Variants in MED13L observed in about 807,000 individuals in gnomAD.
MED13L encodes mediator of RNA polymerase II transcription subunit 13-like.
In MED13L, 7 loss-of-function variants were observed where a neutral mutation model predicts 220.9. The ratio of observed to expected loss-of-function variants is 0.03; its 90% CI spans 0.02 to 0.06. MED13L has a LOEUF of 0.06. MED13L is among the 10% of genes least tolerant of loss of function. The pLI is 1.00. For missense variants in MED13L, 1,965 were observed against 2,760.5 expected, an observed-to-expected ratio of 0.71 and a Z score of 6.46; for synonymous variants, 1,011 against 1,015.2, an observed-to-expected ratio of 1.00 and a Z score of 0.08.
intron 2 of MED13L, among the ~76,000 whole-genome samples, chr12:116,119,838 A>C (rs56394739): frequency 3.2e-5 from 1 of 31,598 alleles, no homozygotes. Context: ...AAAAAAAAAA[A>C]ATATATATAT....
At chr12:116,247,843 G>A (rs1871217974) in intron 1 of MED13L, among the ~76,000 whole-genome samples, 1 of 152,110 alleles carries the variant, frequency 6.6e-6, no homozygotes, top group Admixed American at 6.6e-5. Flanking sequence ...AGGGCTCAGA[G>A]GTTTTATTTG....
In MED13L at chr12:116,022,353, A is replaced by G. The variant is rs553463584; in HGVS notation, c.625+103T>C. 41 of 1,349,894 alleles carry G rather than the reference A, an allele frequency of 3.0e-5. No individual in the cohort carries two copies. The African/African-American group carries it at 5.3e-4, about 18-fold the overall frequency. 83.6% of individuals were successfully genotyped at this position (1,349,894 alleles called of 1,614,324 possible). A position where few individuals can be genotyped will look rare whatever the true frequency, so the allele number is the denominator to read the frequency against. On this transcript the variant is annotated intron_variant, in intron 5 of 30. Transcript: ENST00000281928. ...TCTGACCCTTATGCTTAGCTTTAAA[A>G]TGTCCATTTAAGATAAGGTCTCACC...
rs1051445325 is a variant in MED13L, at chr12:116,103,955, T to C, written c.396-7203A>G. ...ACATCCCACCATGCTCCAGTGAGTA[T>C]GTTATTCTGAAATCCCTTCACCACC... On this transcript the variant is annotated intron_variant, in intron 3 of 30. Coordinates refer to ENST00000281928, the MANE Select transcript of MED13L (RefSeq NM_015335.5). 2.7e-4 allele frequency among the ~76,000 whole-genome samples: 41 copies of C among 151,644 alleles called. 1 individual carries two copies. Among genetic ancestry groups the C allele is most frequent in the Non-Finnish European group, 1.2e-4 (8 of 67,936 alleles).
At chr12:115,966,005 T>C (rs923910071) in intron 29 of MED13L, 77 bp downstream of exon 29, 1 of 1,546,958 alleles carries the variant, frequency 6.5e-7, no homozygotes, top group African/African-American at 1.4e-5. Context: ...TGACTAAAAC[T>C]GAAATTTCTA....
rs549418880 is a variant in MED13L, at chr12:116,044,171, T to C, written c.480-21570A>G. ...AGAATAAATCAACTTGGTATTCTAG[T>C]GCCCACCCCATGGATTACAAATGCA... is the stretch of plus-strand genomic sequence containing the variant. On this transcript the variant is annotated intron_variant, in intron 4 of 30. Transcript: ENST00000281928. Among the ~76,000 whole-genome samples the C allele has an allele frequency of 2.0e-5, 3 of 152,350 alleles. No homozygotes were observed. In the East Asian group the frequency reaches 5.8e-4, roughly 29 times the overall value.
At chr12:116,153,228 C>T (rs1267134019) in intron 2 of MED13L, among the ~76,000 whole-genome samples, 3 of 152,176 alleles carry the variant, frequency 2.0e-5, no homozygotes, top group Non-Finnish European at 4.4e-5. Context: ...GAGTCTCTGT[C>T]ACTATACACA....
At chr12:116,102,919 T>C (rs1445181733) in intron 3 of MED13L, among the ~76,000 whole-genome samples, 1 of 151,894 alleles carries the variant, frequency 6.6e-6, no homozygotes, top group African/African-American at 2.4e-5. Flanking sequence ...GGTTTCACCA[T>C]GTTGGTCAGG....
At chr12:116,159,549 C>G (rs1878702745) in intron 2 of MED13L, among the ~76,000 whole-genome samples, 1 of 152,162 alleles carries the variant, frequency 6.6e-6, no homozygotes, top group African/African-American at 2.4e-5. Context: ...CTCTAACTTA[C>G]AGTTCACATT....
chr12:116,217,670 C>G (rs1048930146), intron 2 of MED13L, among the ~76,000 whole-genome samples: 1 of 152,154 alleles, frequency 6.6e-6, no homozygotes, highest in Non-Finnish European at 1.5e-5. Flanking sequence ...TTGTACCTTC[C>G]TGCTTACTTA....
At chr12:116,060,212 T>C (rs1869326205) in intron 4 of MED13L, among the ~76,000 whole-genome samples, 2 of 152,096 alleles carry the variant, frequency 1.3e-5, no homozygotes, top group African/African-American at 4.8e-5. Context: ...TCTCAAGTAG[T>C]TGCCACTCTA....
At chr12:116,238,955 C>A (rs1193343410) in intron 1 of MED13L, among the ~76,000 whole-genome samples, 1 of 151,966 alleles carries the variant, frequency 6.6e-6, no homozygotes, top group Non-Finnish European at 1.5e-5. Context: ...ATTAGCCGGG[C>A]GTGGTGGCGT....
In MED13L at chr12:115,966,230, C is replaced by T. The variant is rs1238288930; in HGVS notation, c.6239G>A (p.Arg2080His). Residue 2080 changes from arginine (R) to histidine (H), a missense_variant, in exon 29 of 31, where the codon CGT becomes CAT. Physicochemically the swap from Arg to His is conservative, Grantham distance 29 (BLOSUM62 0). Coordinates refer to ENST00000281928, the MANE Select transcript of MED13L (RefSeq NM_015335.5). Reference protein sequence around the residue: ...HFQHSRSQGERLLSREAPEEL... With the variant: ...HFQHSRSQGEHLLSREAPEEL... ...CTCTGGTGCTTCTCTAGAAAGAAGA[C>T]GCTCACCCTGGCTCTGAAAAACAAA... 6 of 1,613,960 alleles carry T rather than the reference C, an allele frequency of 3.7e-6. No homozygotes were observed. Among genetic ancestry groups the T allele is most frequent in the Non-Finnish European group, 3.4e-6 (4 of 1,179,998 alleles).
At chr12:116,172,454 G>C (rs770976157) in intron 2 of MED13L, among the ~76,000 whole-genome samples, 1 of 152,098 alleles carries the variant, frequency 6.6e-6, no homozygotes, top group East Asian at 1.9e-4. Flanking sequence ...GCCTCTTCCA[G>C]GTTTCACTCT....
Position 116,271,589 on chromosome 12 carries a change from G to A in MED13L, c.72+5471C>T, listed in dbSNP as rs1302875613. On this transcript the variant is annotated intron_variant, in intron 1 of 30. Coordinates refer to ENST00000281928, the MANE Select transcript of MED13L (RefSeq NM_015335.5). The stretch of plus-strand genomic sequence containing the variant: ...TGCAGTGAGCCGCGATCGCGCCACT[G>A]CACTCCAGCCTGGGCCACAGAGCCA... Among the ~76,000 whole-genome samples the A allele has an allele frequency of 2.7e-5, 4 of 148,696 alleles. No homozygotes were observed. In the Admixed American group the frequency reaches 2.7e-4, roughly 10 times the overall value.
chr12:116,242,677 T>A (rs926429044), intron 1 of MED13L, among the ~76,000 whole-genome samples: 4 of 152,188 alleles, frequency 2.6e-5, no homozygotes, highest in Non-Finnish European at 5.9e-5. Context: ...TTATTTCTAA[T>A]ACCGAGCACC....
intron 10 of MED13L, chr12:116,008,093 G>A: frequency 2.6e-6 from 1 of 384,540 alleles, no homozygotes. Context: ...GGCACTGACA[G>A]CAGTATGGAA....
At chr12:116,082,565 T>A (rs1381368493) in intron 4 of MED13L, 1 of 152,096 alleles carries the variant, frequency 6.6e-6, no homozygotes, top group African/African-American at 2.4e-5. Flanking sequence ...ACTTAGAACT[T>A]CCTCTTGTTC....
At chr12:116,012,490 T>C (rs1204958512) in intron 9 of MED13L, among the ~76,000 whole-genome samples, 1 of 152,156 alleles carries the variant, frequency 6.6e-6, no homozygotes, top group East Asian at 1.9e-4. Flanking sequence ...ACTTTAAAAT[T>C]AAGAGTAGTT....
chr12:116,144,376 G>A (rs1877316332), intron 2 of MED13L, among the ~76,000 whole-genome samples: 1 of 152,146 alleles, frequency 6.6e-6, no homozygotes, highest in Non-Finnish European at 1.5e-5. Flanking sequence ...GACCCTGATA[G>A]TGAACTGAGA....
Sources: allele counts gnomAD v4.1 joint callset (sites outside exome capture counted in the v4.1 genomes callset), GRCh38; gene constraint gnomAD v4.1.1; transcripts MANE v1.5; gene names NCBI Gene and HGNC (gene_info 2026-07-23, HGNC 2026-07-21).